Variants in PRSS12 observed in about 807,000 individuals in gnomAD.
PRSS12 encodes the protein serine protease 12, also known as neurotrypsin.
Under a neutral mutation model 104.4 loss-of-function variants are expected in PRSS12, and 85 were observed. The ratio of observed to expected loss-of-function variants is 0.81; its 90% CI spans 0.68 to 0.98. The LOEUF (loss-of-function observed/expected upper bound fraction) is 0.98. Among genes scored for constraint, PRSS12 ranks in the 50% least tolerant of loss-of-function variants. The pLI, the probability that PRSS12 is intolerant of heterozygous loss-of-function variation, is 0.00. For synonymous variants in PRSS12, 454 were observed against 425.2 expected (o/e 1.07, Z -0.83); for missense variants, 1,141 against 1,139.2 (o/e 1.00, Z -0.02).
intron 2 of PRSS12, among the ~76,000 whole-genome samples, chr4:118,337,937 A>G (rs1436647870): frequency 6.6e-6 from 1 of 152,132 alleles, no homozygotes; most frequent in Non-Finnish European, 1.5e-5. Flanking sequence ...AAATTTGCCC[A>G]CTTAGTATTT....
intron 8 of PRSS12, 32 bp downstream of exon 8, chr4:118,308,404 G>A (rs758694450): frequency 3.8e-5 from 62 of 1,613,284 alleles, no homozygotes; most frequent in Non-Finnish European, 5.2e-5. Context: ...ATGCTCATCA[G>A]TAACCATCCC....
intron 4 of PRSS12, among the ~76,000 whole-genome samples, chr4:118,331,398 T>C (rs1169768179): frequency 1.3e-5 from 2 of 152,236 alleles, no homozygotes; most frequent in African/African-American, 4.8e-5. Flanking sequence ...TTTTTCATCA[T>C]ATGGAATTTG....
Position 118,294,950 on chromosome 4 carries a change from G to A in PRSS12, c.2028C>T (p.His676=), listed in dbSNP as rs776520246. ...LSSCWVLTAA[H]CFKRYGNSTR... ...AGGTGGACACATACCTCTTGAAACAGTGTGCTGCTGTGAGGACCCAGCAGC... is the reference window on the plus strand; with the variant it reads ...AGGTGGACACATACCTCTTGAAACAATGTGCTGCTGTGAGGACCCAGCAGC... Residue 676 remains histidine, a synonymous_variant, in exon 11 of 13, where the codon CAC becomes CAT. Transcript: ENST00000296498. The A allele has an allele frequency of 3.7e-6, 6 of 1,614,008 alleles. No homozygotes were observed. Among genetic ancestry groups the A allele is most frequent in the East Asian group, 2.2e-5 (1 of 44,874 alleles).
At chr4:118,293,963 G>A (rs1270487379) in intron 11 of PRSS12, among the ~76,000 whole-genome samples, 1 of 152,190 alleles carries the variant, frequency 6.6e-6, no homozygotes, top group Non-Finnish European at 1.5e-5. Context: ...TAACTATGCA[G>A]CAACAGGCGA....
chr4:118,315,917 C>T (rs186433928), intron 6 of PRSS12, among the ~76,000 whole-genome samples: 1 of 152,188 alleles, frequency 6.6e-6, no homozygotes, highest in East Asian at 1.9e-4. Context: ...TGAATAGACA[C>T]AAGGGGACTT....
intron 1 of PRSS12, among the ~76,000 whole-genome samples, chr4:118,346,582 CA>C (rs1292807587): frequency 6.6e-6 from 1 of 151,680 alleles, no homozygotes; most frequent in Admixed American, 6.6e-5. Flanking sequence ...AGTTATAAAC[CA>C]AATTACTTTT....
At chr4:118,295,270 G>A (rs1284016387) in intron 10 of PRSS12, among the ~76,000 whole-genome samples, 2 of 152,148 alleles carry the variant, frequency 1.3e-5, no homozygotes, top group Non-Finnish European at 2.9e-5. Flanking sequence ...CTAAAGATTT[G>A]CTTATAGGCA....
At chr4:118,311,194 A>T (rs1227987290) in intron 7 of PRSS12, among the ~76,000 whole-genome samples, 1 of 152,092 alleles carries the variant, frequency 6.6e-6, no homozygotes, top group Non-Finnish European at 1.5e-5. Flanking sequence ...TAAAACGAGA[A>T]ATCCATATTT....
At chr4:118,291,183 T>C (rs1342456714) in intron 11 of PRSS12, among the ~76,000 whole-genome samples, 1 of 152,146 alleles carries the variant, frequency 6.6e-6, no homozygotes. Context: ...CACTACCTAG[T>C]AAATGAAAGA....
In PRSS12 at chr4:118,294,946, A is replaced by G; in HGVS notation, c.2032T>C (p.Phe678Leu). The G allele has an allele frequency of 3.1e-6, 5 of 1,614,088 alleles. No individual in the cohort carries two copies. Among genetic ancestry groups the G allele is most frequent in the Non-Finnish European group, 3.4e-6 (4 of 1,180,000 alleles). Residue 678 changes from phenylalanine to leucine, a missense_variant, in exon 11 of 13, where the codon TTC (phenylalanine) becomes CTC (leucine). Coordinates refer to ENST00000296498, the MANE Select transcript of PRSS12 (RefSeq NM_003619.4). ...SCWVLTAAHCFKRYGNSTRSY... is the reference protein window; with the variant it reads ...SCWVLTAAHCLKRYGNSTRSY... ...GGGAAGGTGGACACATACCTCTTGA[A>G]ACAGTGTGCTGCTGTGAGGACCCAG...
chr4:118,311,645 A>C (rs962811014), intron 7 of PRSS12, among the ~76,000 whole-genome samples: 1 of 152,214 alleles, frequency 6.6e-6, no homozygotes, highest in African/African-American at 2.4e-5. Context: ...ACTTTAGTTA[A>C]TAGACACATT....
chr4:118,283,617 CAT>C (rs1742947324), intron 11 of PRSS12, among the ~76,000 whole-genome samples: 1 of 152,116 alleles, frequency 6.6e-6, no homozygotes, highest in African/African-American at 2.4e-5. Flanking sequence ...TTCAGATAAA[CAT>C]ATATTCCTTC....
chr4:118,287,200 A>G (rs965629495), intron 11 of PRSS12, among the ~76,000 whole-genome samples: 1 of 152,036 alleles, frequency 6.6e-6, no homozygotes, highest in Admixed American at 6.6e-5. Flanking sequence ...GCTGGAGCGC[A>G]GTGGTGCGAT....
At chr4:118,330,951 A>C (rs1398201617) in intron 4 of PRSS12, among the ~76,000 whole-genome samples, 1 of 152,180 alleles carries the variant, frequency 6.6e-6, no homozygotes, top group African/African-American at 2.4e-5. Context: ...ATGAACAGGG[A>C]AGAACAGGCC....
rs548966037 is a variant in PRSS12 at position 118,310,588 on chromosome 4, T to A, written c.1490-2011A>T. ...TTTCCAAAATCTTAAATATATAAAG[T>A]TTTTGGAAAAGCTAAACAATCATAT... On this transcript the variant is annotated intron_variant, in intron 7 of 12. Transcript: ENST00000296498. 1.2e-4 allele frequency among the ~76,000 whole-genome samples: 19 copies of A among 152,230 alleles called. No individual in the cohort carries two copies. In the South Asian group the frequency reaches 3.9e-3, roughly 32 times the overall value.
At chr4:118,316,466 T>C in intron 5 of PRSS12, 143 bp from the exon 6 acceptor site, 1 of 1,016,930 alleles carries the variant, frequency 9.8e-7, no homozygotes, top group Admixed American at 2.0e-5. Flanking sequence ...CTGTGCTAAA[T>C]GACCCTCTGA....
chr4:118,340,832 C>T (rs139773122), intron 1 of PRSS12, among the ~76,000 whole-genome samples: 4 of 152,282 alleles, frequency 2.6e-5, no homozygotes, highest in East Asian at 1.9e-4. Flanking sequence ...TGGTCAGCCA[C>T]GTAGAAATAT....
rs1743899625 is a variant in PRSS12 at position 118,316,074 on chromosome 4, A to G, written c.1292+108T>C. On this transcript the variant is annotated intron_variant, in intron 6 of 12. Transcript: ENST00000296498. ...TTGTACTTCCATACACAGGTAGGAG[A>G]GAACAGGTATTTTTATTATTATAAA... 7 of 1,234,986 alleles carry G rather than the reference A, an allele frequency of 5.7e-6. No homozygotes were observed. The Admixed American group carries it at 1.1e-4, about 20-fold the overall frequency. 76.5% of individuals were successfully genotyped at this position (1,234,986 alleles called of 1,614,324 possible).
In PRSS12 at chr4:118,335,649, C is replaced by T. The variant is rs770164621; in HGVS notation, c.644G>A (p.Gly215Glu). The change falls in exon 3 of 13, where the codon GGA becomes GAA. Residue 215 changes from glycine to glutamate, a missense_variant and splice_region_variant. Gly to Glu is a moderately conservative substitution (Grantham distance 98). Transcript: ENST00000296498. ...CGGGGTTTGTTTTGCTATTCCTTTT[C>T]CTCTGGAAGTACAATGAGCGATATT... ...SVICHQLQLG[G>E]KGIAKQTPFS... The T allele has an allele frequency of 6.2e-7, 1 of 1,613,648 alleles. No individual in the cohort carries two copies. Among genetic ancestry groups the T allele is most frequent in the Non-Finnish European group, 8.5e-7 (1 of 1,179,790 alleles).
Sources: gnomAD v4.1 joint callset for allele counts (sites outside exome capture counted in the v4.1 genomes callset) on GRCh38, gnomAD v4.1.1 for gene constraint, MANE v1.5 for transcripts, NCBI Gene and HGNC (gene_info 2026-07-23, HGNC 2026-07-21) for gene names.